The following CADM2 variants were observed in gnomAD, a reference collection of about 807,000 sequenced individuals.
CADM2 encodes the protein cell adhesion molecule 2.
A neutral mutation model predicts 49.8 loss-of-function variants in CADM2; 12 were observed. That is an observed-to-expected ratio of 0.24 (90% CI 0.15 to 0.39). The LOEUF is 0.39. CADM2 is among the 10% of genes least tolerant of loss of function. The probability of loss-of-function intolerance (pLI) is 1.00; values close to 1 mark genes in which losing one functional copy is unlikely to be tolerated. For synonymous variants in CADM2, 214 were observed against 175.4 expected (o/e 1.22, Z -1.74); for missense variants, 378 against 492.3 (o/e 0.77, Z 2.20).
intron 1 of CADM2, among the ~76,000 whole-genome samples, chr3:84,994,488 T>G (rs2033070327): frequency 6.6e-6 from 1 of 152,170 alleles, no homozygotes; most frequent in African/African-American, 2.4e-5. Context: ...TATTTCTGTG[T>G]CCTTAGGTAA....
At chr3:85,395,174 T>G (rs937484338) in intron 1 of CADM2, among the ~76,000 whole-genome samples, 5 of 151,620 alleles carry the variant, frequency 3.3e-5, no homozygotes, top group Non-Finnish European at 7.4e-5. Flanking sequence ...GGTGCATACC[T>G]GTGGGCCCAG....
At chr3:85,595,637 AT>A (rs1310846015) in intron 1 of CADM2, among the ~76,000 whole-genome samples, 1 of 152,014 alleles carries the variant, frequency 6.6e-6, no homozygotes, top group Admixed American at 6.6e-5. Context: ...CTAGATTATA[AT>A]TGTCCAGTGT....
chr3:85,328,251 A>G (rs1559781807), intron 1 of CADM2, among the ~76,000 whole-genome samples: 1 of 152,232 alleles, frequency 6.6e-6, no homozygotes, highest in Non-Finnish European at 1.5e-5. Context: ...CCATGAAGCA[A>G]ACAAACAACC....
chr3:85,185,027 C>A (rs2041023480), intron 1 of CADM2, among the ~76,000 whole-genome samples: 2 of 151,920 alleles, frequency 1.3e-5, no homozygotes, highest in African/African-American at 4.8e-5. Context: ...CAATAAGGTC[C>A]CTATAAGAGA....
intron 1 of CADM2, among the ~76,000 whole-genome samples, chr3:85,127,283 C>A (rs1164553215): frequency 6.6e-6 from 1 of 152,118 alleles, no homozygotes; most frequent in Admixed American, 6.5e-5. Context: ...GAATAATAGA[C>A]CTACTGGCCA....
At chr3:85,208,398 G>A (rs2041702581) in intron 1 of CADM2, among the ~76,000 whole-genome samples, 1 of 152,150 alleles carries the variant, frequency 6.6e-6, no homozygotes, top group South Asian at 2.1e-4. Flanking sequence ...GGGAAAAGTA[G>A]AGCAGCTTTA....
At chr3:85,887,995 T>G (rs1185171154) in intron 5 of CADM2, among the ~76,000 whole-genome samples, 1 of 152,182 alleles carries the variant, frequency 6.6e-6, no homozygotes, top group Non-Finnish European at 1.5e-5. Context: ...ACGTCACATA[T>G]TTCCTTTTGT....
intron 1 of CADM2, among the ~76,000 whole-genome samples, chr3:85,240,031 C>T (rs1344150399): frequency 6.6e-6 from 1 of 151,272 alleles, no homozygotes; most frequent in African/African-American, 2.4e-5. Context: ...TAATCAAATG[C>T]CATTTTGTAA....
chr3:85,293,440 AG>A (rs1401409910), intron 1 of CADM2, among the ~76,000 whole-genome samples: 6 of 141,960 alleles, frequency 4.2e-5, no homozygotes, highest in African/African-American at 1.6e-4. Flanking sequence ...TCATTTTATG[AG>A]GCCAGCATCA....
intron 1 of CADM2, among the ~76,000 whole-genome samples, chr3:84,968,576 G>A (rs776249038): frequency 1.1e-4 from 16 of 151,990 alleles, no homozygotes; most frequent in Non-Finnish European, 1.8e-4. Context: ...TAGTTATCCT[G>A]CCAAGGCAGA....
At position 85,412,913 on chromosome 3, in the gene CADM2, G is replaced by A. The variant is rs184806526; in HGVS notation, c.62-313609G>A. 3.2e-3 allele frequency among the ~76,000 whole-genome samples: 485 copies of A among 151,410 alleles called. 3 individuals are homozygous for A. Among genetic ancestry groups the A allele is most frequent in the Non-Finnish European group, 6.0e-3 (406 of 67,862 alleles). ...TGAGAAGTCATTGGGAGGCCGAGGCGGGCGGATCACGAGGTCAGGAGATCT... is the reference window on the plus strand; with the variant it reads ...TGAGAAGTCATTGGGAGGCCGAGGCAGGCGGATCACGAGGTCAGGAGATCT... On this transcript the variant is annotated intron_variant, in intron 1 of 9. Transcript: ENST00000383699.
At chr3:85,430,700 G>C (rs1447660822) in intron 1 of CADM2, among the ~76,000 whole-genome samples, 1 of 149,366 alleles carries the variant, frequency 6.7e-6, no homozygotes, top group Non-Finnish European at 1.5e-5. Context: ...AAAGAGGGGT[G>C]GGGGCATGGG....
chr3:85,018,440 C>T (rs1034960777), intron 1 of CADM2, among the ~76,000 whole-genome samples: 2 of 152,064 alleles, frequency 1.3e-5, no homozygotes, highest in African/African-American at 2.4e-5. Flanking sequence ...TGCAGTGGTG[C>T]GATCTTGGCT....
intron 1 of CADM2, among the ~76,000 whole-genome samples, chr3:85,112,666 T>C (rs1375035816): frequency 6.6e-6 from 1 of 151,848 alleles, no homozygotes; most frequent in Non-Finnish European, 1.5e-5. Context: ...AAAATTATAT[T>C]AACTCTACTC....
chr3:85,487,466 TGAA>T (rs1321639835), intron 1 of CADM2, among the ~76,000 whole-genome samples: 1 of 150,948 alleles, frequency 6.6e-6, no homozygotes, highest in Non-Finnish European at 1.5e-5. Flanking sequence ...AAACTGCATC[TGAA>T]GAAGAAGAAA....
chr3:85,500,469 T>A lies in CADM2; in HGVS notation c.62-226053T>A, dbSNP rs548499881. Among the ~76,000 whole-genome samples, 12 of 152,154 alleles carry A rather than the reference T, an allele frequency of 7.9e-5. No homozygotes were observed. In the South Asian group the frequency reaches 2.1e-3, roughly 26 times the overall value. ...ATGGTGTGTCTTATAATTGATGGCT[T>A]ATTGGTTTTGATGAAATAAACTTCA... is the stretch of plus-strand genomic sequence containing the variant. On this transcript the variant is annotated intron_variant, in intron 1 of 9. Transcript: ENST00000383699.
intron 1 of CADM2, among the ~76,000 whole-genome samples, chr3:85,286,653 T>G (rs995724195): frequency 1.3e-5 from 2 of 152,142 alleles, no homozygotes; most frequent in Non-Finnish European, 2.9e-5. Flanking sequence ...ACATTGCTGT[T>G]TTTAACTTTG....
chr3:85,202,815 G>GT (rs2041540840), intron 1 of CADM2, among the ~76,000 whole-genome samples: 1 of 152,282 alleles, frequency 6.6e-6, no homozygotes, highest in African/African-American at 2.4e-5. Context: ...TGGAAAATCT[G>GT]TTTTTTCCTG....
chr3:85,559,655 AACACACACACACACAC>A (rs144677158), intron 1 of CADM2, among the ~76,000 whole-genome samples: 1 of 111,004 alleles, frequency 9.0e-6, no homozygotes, highest in Non-Finnish European at 2.0e-5. Context: ...ATTTAAAAGA[AACACACACACACACAC>A]ACACACACAC....
Sources: allele counts gnomAD v4.1 joint callset (sites outside exome capture counted in the v4.1 genomes callset), GRCh38; gene constraint gnomAD v4.1.1; transcripts MANE v1.5; gene names NCBI Gene and HGNC (gene_info 2026-07-23, HGNC 2026-07-21).